The following STRA6 variants were observed in gnomAD, a reference collection of about 807,000 sequenced individuals.
The protein encoded by STRA6 is receptor for retinol uptake STRA6.
Under a neutral mutation model 83.6 loss-of-function variants are expected in STRA6, and 48 were observed. The observed-to-expected ratio is 0.57, with a 90% CI of 0.46 to 0.73. The LOEUF (loss-of-function observed/expected upper bound fraction) is 0.73. Among genes scored for constraint, STRA6 ranks in the 30% least tolerant of loss-of-function variants. The pLI is 0.00. For synonymous variants in STRA6, 353 were observed against 362.3 expected (o/e 0.97, Z 0.29); for missense variants, 760 against 838.8 (o/e 0.91, Z 1.16).
chr15:74,194,655 C>G lies in STRA6; in HGVS notation c.597+647G>C, dbSNP rs2073724686. ...GTGACGGCTCTTGGGAGGCTAGGGACTGTTTGTCTTGTTCATAGCTGTAGT... is the reference window on the plus strand; with the variant it reads ...GTGACGGCTCTTGGGAGGCTAGGGAGTGTTTGTCTTGTTCATAGCTGTAGT... On this transcript the variant is annotated intron_variant, in intron 7 of 18. Transcript: ENST00000395105. 3 of 794,490 alleles carry G rather than the reference C, an allele frequency of 3.8e-6. No individual in the cohort carries two copies. The African/African-American group carries it at 5.4e-5, about 14-fold the overall frequency. The allele number at this position is 794,490 out of a possible 1,614,324, so 49.2% of individuals were successfully genotyped here. A position where few individuals can be genotyped will look rare whatever the true frequency, so the allele number is the denominator to read the frequency against.
chr15:74,210,807 T>C (rs2074355384), upstream of STRA6, among the ~76,000 whole-genome samples: 1 of 152,184 alleles, frequency 6.6e-6, no homozygotes, highest in Non-Finnish European at 1.5e-5. Flanking sequence ...AAAAAGAGTG[T>C]TGAGCACAAT....
chr15:74,194,373 T>C, intron 7 of STRA6: 2 of 1,064,578 alleles, frequency 1.9e-6, no homozygotes, highest in Non-Finnish European at 2.3e-6. Flanking sequence ...GCTTTTTGTA[T>C]ACTCATTCAT....
In STRA6 at chr15:74,197,805, A is replaced by T; in HGVS notation, c.127T>A (p.Cys43Ser). 2 of 1,613,332 alleles carry T rather than the reference A, an allele frequency of 1.2e-6. No individual in the cohort carries two copies. The highest frequency in any genetic ancestry group is 1.7e-6 in the Non-Finnish European group (2 of 1,180,008). The change falls in exon 3 of 19, where the codon TGC (cysteine) becomes AGC (serine). Residue 43 changes from cysteine (C) to serine (S), a missense_variant. Transcript: ENST00000395105. ...ELQPEGEVPS[C>S]HTSIPPGLYH... is the part of the protein sequence containing the mutation. ...AGGCCGGGTGGTATGCTGGTGTGGC[A>T]GGAGGGCACTTCCCTGCAGAGCAAA...
chr15:74,188,657 G>A lies in STRA6; in HGVS notation c.1090+458C>T, dbSNP rs796487279. ...TTCAGGAGCTCATTGTCAGAGGAGGGAAGGAGAAAGGAGACGGCCCCAAAA... is the reference window on the plus strand; with the variant it reads ...TTCAGGAGCTCATTGTCAGAGGAGGAAAGGAGAAAGGAGACGGCCCCAAAA... On this transcript the variant is annotated intron_variant, in intron 12 of 18. Transcript: ENST00000395105. This position sits in a 1 kb window ranked among gnomAD's most constrained non-coding sequence, Gnocchi z 4.5. 1.1e-4 allele frequency among the ~76,000 whole-genome samples: 17 copies of A among 152,352 alleles called. No individual in the cohort carries two copies. Among genetic ancestry groups the A allele is most frequent in the African/African-American group, 4.1e-4 (17 of 41,588 alleles).
At chr15:74,191,678 T>A in intron 8 of STRA6, 187 bp from the exon 9 acceptor site, 1 of 642,208 alleles carries the variant, frequency 1.6e-6, no homozygotes, top group Non-Finnish European at 2.8e-6. Context: ...AAGCTTCCCT[T>A]TTCTCTCTCA....
chr15:74,207,736 G>A (rs1342908946), upstream of STRA6: 5 of 1,535,636 alleles, frequency 3.3e-6, no homozygotes, highest in Non-Finnish European at 3.5e-6. Context: ...TGAATAAGCA[G>A]CCGAGAGAGT....
chr15:74,195,164 T>C, intron 7 of STRA6, 138 bp downstream of exon 7: 1 of 1,525,570 alleles, frequency 6.6e-7, no homozygotes, highest in Non-Finnish European at 8.8e-7. Flanking sequence ...GGGCACATGT[T>C]TGAAGGCATG....
At chr15:74,184,696 C>T (rs1029142401) in intron 13 of STRA6, among the ~76,000 whole-genome samples, 4 of 152,208 alleles carry the variant, frequency 2.6e-5, no homozygotes, top group African/African-American at 9.7e-5. Context: ...CCAGCCCACC[C>T]GGTGGCCCCT....
At chr15:74,185,410 CCTT>C (rs1364306454) in intron 12 of STRA6, among the ~76,000 whole-genome samples, 3 of 152,226 alleles carry the variant, frequency 2.0e-5, no homozygotes, top group South Asian at 2.1e-4. Context: ...GGAGGGCACT[CCTT>C]CTCCCCAGGC....
chr15:74,209,634 T>G, upstream of STRA6: 1 of 591,476 alleles, frequency 1.7e-6, no homozygotes, highest in East Asian at 2.8e-5. Flanking sequence ...AGTCCTGCTC[T>G]TCACCCCAAG....
Position 74,202,770 on chromosome 15 carries a change from G to A in STRA6, c.-73C>T, listed in dbSNP as rs1428192734. 9 of 1,180,324 alleles carry A rather than the reference G, an allele frequency of 7.6e-6. No individual in the cohort carries two copies. The highest frequency in any genetic ancestry group is 9.4e-6 in the Non-Finnish European group (9 of 955,168). The allele number at this position is 1,180,324 out of a possible 1,614,324, so 73.1% of individuals were successfully genotyped here. On this transcript the variant is annotated 5_prime_UTR_variant, in exon 1 of 19. Coordinates refer to ENST00000395105, the MANE Select transcript of STRA6 (RefSeq NM_022369.4). ...GAGATGAAAGGGTAGGCAGCCCACG[G>A]CCAGCTCCGCACTGCCTGCCTGGGC...
At chr15:74,209,369 C>T, upstream of STRA6, 4 of 1,535,374 alleles carry the variant, frequency 2.6e-6, no homozygotes, top group Non-Finnish European at 2.6e-6. Flanking sequence ...CTCCATTTGT[C>T]CCCATCCATC....
Position 74,189,210 on chromosome 15 carries a change from T to G in STRA6, c.995A>C (p.Asp332Ala), listed in dbSNP as rs929480135. The G allele has an allele frequency of 2.9e-5, 46 of 1,612,968 alleles. No individual in the cohort carries two copies. Among genetic ancestry groups the G allele is most frequent in the Non-Finnish European group, 3.7e-5 (44 of 1,179,578 alleles). Residue 332 changes from aspartate (D) to alanine (A), a missense_variant, in exon 12 of 19, where the codon GAT becomes GCT. Physicochemically the swap from Asp to Ala is moderately radical, Grantham distance 126. Coordinates refer to ENST00000395105, the MANE Select transcript of STRA6 (RefSeq NM_022369.4). ...IQKVRAGVTT[D>A]VSYLLAGFGI... ...AAAGCCGGCCAGCAGGTAGGAGACA[T>G]CCGTGGTGACCCCTGCCCTCACCTT...
chr15:74,204,528 C>T (rs1424942641), upstream of STRA6, among the ~76,000 whole-genome samples: 1 of 152,222 alleles, frequency 6.6e-6, no homozygotes, highest in Non-Finnish European at 1.5e-5. Flanking sequence ...GCAGCCAACT[C>T]CCATCTGATT....
chr15:74,192,669 G>C (rs903667539), intron 8 of STRA6, among the ~76,000 whole-genome samples: 2 of 152,166 alleles, frequency 1.3e-5, no homozygotes, highest in African/African-American at 4.8e-5. Context: ...CCTACCTGCT[G>C]GCTGGCCAGG....
chr15:74,182,548 GATT>G, intron 14 of STRA6, 88 bp from the exon 15 acceptor site: 1 of 1,094,796 alleles, frequency 9.1e-7, no homozygotes, highest in Non-Finnish European at 1.4e-6. Context: ...AGGGCTTTGG[GATT>G]GGGCAGGCCT....
chr15:74,207,900 C>T, intron 1 of STRA6: 2 of 1,488,048 alleles, frequency 1.3e-6, no homozygotes, highest in Non-Finnish European at 1.8e-6. Flanking sequence ...GTGTCGTCGG[C>T]TGCCGTGCTC....
chr15:74,197,665 C>A, intron 3 of STRA6, 87 bp downstream of exon 3: 1 of 1,540,540 alleles, frequency 6.5e-7, no homozygotes. Context: ...CCAGGGCCCC[C>A]CTTCACCAGC....
chr15:74,184,128 G>C (rs2073126904), intron 13 of STRA6, 139 bp from the exon 14 acceptor site: 3 of 1,271,698 alleles, frequency 2.4e-6, no homozygotes, highest in Non-Finnish European at 2.2e-6. Flanking sequence ...AACTGTGGGA[G>C]CCAGGAGGAG....
Sources: gnomAD v4.1 joint callset for allele counts (sites outside exome capture counted in the v4.1 genomes callset) on GRCh38, gnomAD v4.1.1 for gene constraint, Gnocchi (gnomAD v3.1) non-coding constraint, MANE v1.5 for transcripts, NCBI Gene and HGNC (gene_info 2026-07-23, HGNC 2026-07-21) for gene names.